HOOK3: variants seen among roughly 807,000 people sequenced by gnomAD.
HOOK3 encodes protein Hook homolog 3.
In HOOK3, 24 loss-of-function variants were observed where a neutral mutation model predicts 116.3. The ratio of observed to expected loss-of-function variants is 0.21; its 90% CI spans 0.15 to 0.29. The LOEUF (loss-of-function observed/expected upper bound fraction) is 0.29, where lower values mean the gene tolerates loss of function less well. Ranked by LOEUF, HOOK3 falls within the 10% of genes least tolerant of loss-of-function variation. The pLI is 1.00. For missense variants in HOOK3, 632 were observed against 830.2 expected (o/e 0.76, Z 2.93); for synonymous variants, 275 against 283.0 (o/e 0.97, Z 0.28).
chr8:42,959,161 G>A, intron 7 of HOOK3, 70 bp from the exon 8 acceptor site: 2 of 998,274 alleles, frequency 2.0e-6, no homozygotes, highest in Non-Finnish European at 3.1e-6. Flanking sequence ...TTTTAATTCT[G>A]TGTTGAACAT....
At chr8:42,987,828 T>C (rs1442527335) in intron 15 of HOOK3, among the ~76,000 whole-genome samples, 1 of 152,204 alleles carries the variant, frequency 6.6e-6, no homozygotes, top group Non-Finnish European at 1.5e-5. Context: ...ATACAGTTTT[T>C]TTTTCTTTTT....
intron 4 of HOOK3, among the ~76,000 whole-genome samples, chr8:42,938,464 G>A (rs1808020286): frequency 6.6e-6 from 1 of 152,052 alleles, no homozygotes; most frequent in Non-Finnish European, 1.5e-5. Flanking sequence ...TTGCCTATTA[G>A]TTGATGCAGT....
chr8:43,001,802 G>A (rs1809385508), intron 16 of HOOK3, among the ~76,000 whole-genome samples: 1 of 152,074 alleles, frequency 6.6e-6, no homozygotes, highest in East Asian at 1.9e-4. Context: ...CCAAATCCAG[G>A]AATATTAGGT....
At chr8:43,008,667 T>TATTTTTATTTA (rs1809542778) in intron 18 of HOOK3, among the ~76,000 whole-genome samples, 1 of 146,272 alleles carries the variant, frequency 6.8e-6, no homozygotes, top group Non-Finnish European at 1.5e-5. Context: ...ATTTTTATTT[T>TATTTTTATTTA]TTTTTTTTTT....
chr8:42,999,943 G>T (rs1055111404), intron 16 of HOOK3, among the ~76,000 whole-genome samples: 1 of 152,000 alleles, frequency 6.6e-6, no homozygotes, highest in African/African-American at 2.4e-5. Context: ...TCAGGAGATC[G>T]AGATCATCCT....
chr8:42,927,244 G>GGTTTTTTTTTT (rs202096893), intron 3 of HOOK3, among the ~76,000 whole-genome samples: 3,784 of 145,878 alleles, frequency 0.026, 187 homozygotes, highest in African/African-American at 0.093. Context: ...TAATGGCACT[G>GGTTTTTTTTTT]GTTTTTTTTT....
At chr8:42,907,730 T>A (rs1209524401) in intron 2 of HOOK3, among the ~76,000 whole-genome samples, 4 of 151,062 alleles carry the variant, frequency 2.6e-5, no homozygotes, top group South Asian at 2.1e-4. Flanking sequence ...ATATATATAT[T>A]GTTTCATCAA....
chr8:42,935,274 T>A (rs1586598334), intron 4 of HOOK3, among the ~76,000 whole-genome samples: 1 of 152,196 alleles, frequency 6.6e-6, no homozygotes, highest in East Asian at 1.9e-4. Context: ...AAGTTCCTTG[T>A]GGATTCTGGA....
intron 18 of HOOK3, among the ~76,000 whole-genome samples, chr8:43,008,986 A>C (rs974787470): frequency 7.2e-5 from 11 of 152,214 alleles, no homozygotes; most frequent in Non-Finnish European, 1.5e-4. Context: ...AATAGGCTCT[A>C]TTGGCTGGGT....
At chr8:42,915,451 G>T (rs752666829) in intron 2 of HOOK3, among the ~76,000 whole-genome samples, 2 of 152,096 alleles carry the variant, frequency 1.3e-5, no homozygotes, top group Non-Finnish European at 2.9e-5. Flanking sequence ...TATTTTTAAA[G>T]ACAGAGTCTT....
rs758105153 is a variant in HOOK3 at position 42,968,009 on chromosome 8, C to G, written c.921-4C>G. 6.8e-7 allele frequency: 1 copy of G among 1,481,464 alleles called. No individual in the cohort carries two copies. The highest frequency in any genetic ancestry group is 1.2e-5 in the South Asian group (1 of 86,870). 91.8% of individuals were successfully genotyped at this position (1,481,464 alleles called of 1,614,324 possible). A position where few individuals can be genotyped will look rare whatever the true frequency, so the allele number is the denominator to read the frequency against. On this transcript the variant is annotated splice_region_variant and splice_polypyrimidine_tract_variant and intron_variant, in intron 10 of 21. Transcript: ENST00000307602. ...GATTTTTTTAATTTCCCATCTAATT[C>G]TAGACATTCTTCTGATAAAGTATCT...
At chr8:42,940,872 G>A (rs1012934637) in intron 4 of HOOK3, among the ~76,000 whole-genome samples, 8 of 152,076 alleles carry the variant, frequency 5.3e-5, no homozygotes, top group Admixed American at 1.3e-4. Flanking sequence ...TCTCCCTGTC[G>A]GTTTCAGGTA....
At chr8:42,975,780 A>G (rs1319521872) in intron 13 of HOOK3, among the ~76,000 whole-genome samples, 1 of 152,204 alleles carries the variant, frequency 6.6e-6, no homozygotes, top group Non-Finnish European at 1.5e-5. Context: ...ATCTTGGCTC[A>G]GTGCAACCTC....
intron 6 of HOOK3, among the ~76,000 whole-genome samples, chr8:42,954,874 T>C (rs1808405782): frequency 6.6e-6 from 1 of 152,198 alleles, no homozygotes; most frequent in African/African-American, 2.4e-5. Context: ...GGCATGCCTG[T>C]CACTAAGTTT....
At chr8:42,905,393 T>C (rs1359289840) in intron 1 of HOOK3, among the ~76,000 whole-genome samples, 1 of 150,998 alleles carries the variant, frequency 6.6e-6, no homozygotes, top group Non-Finnish European at 1.5e-5. Context: ...TTTCACTGCA[T>C]TGGCCTAATC....
chr8:42,973,141 T>A, intron 11 of HOOK3, 148 bp from the exon 12 acceptor site: 1 of 750,224 alleles, frequency 1.3e-6, no homozygotes, highest in African/African-American at 1.8e-5. Context: ...TTTTTATTCC[T>A]AGTTCTCTCC....
intron 16 of HOOK3, chr8:43,000,239 C>T (rs1809353591): frequency 1.6e-6 from 2 of 1,274,726 alleles, no homozygotes; most frequent in Non-Finnish European, 2.0e-6. Flanking sequence ...CTAATTTGTC[C>T]TCTCTGTCTC....
intron 1 of HOOK3, among the ~76,000 whole-genome samples, chr8:42,905,341 G>A (rs571338694): frequency 1.1e-3 from 154 of 137,364 alleles, no homozygotes; most frequent in Non-Finnish European, 2.0e-3. Context: ...GGGGGGTGCC[G>A]TGGTGGAGGG....
At chr8:42,929,970 T>A (rs914964097) in intron 3 of HOOK3, 152 bp from the exon 4 acceptor site, 4 of 645,928 alleles carry the variant, frequency 6.2e-6, no homozygotes, top group Non-Finnish European at 1.0e-5. Context: ...TTTTTGATGA[T>A]GATGATAATT....
Sources: gnomAD v4.1 joint callset for allele counts (sites outside exome capture counted in the v4.1 genomes callset) on GRCh38, gnomAD v4.1.1 for gene constraint, MANE v1.5 for transcripts, NCBI Gene and HGNC (gene_info 2026-07-23, HGNC 2026-07-21) for gene names.